The following TRPA1 variants were observed in gnomAD, a reference collection of about 807,000 sequenced individuals.
TRPA1 encodes the protein ankyrin-like with transmembrane domains 1.
In TRPA1, 129 loss-of-function variants were observed where a neutral mutation model predicts 131.3. The observed-to-expected ratio is 0.98, with a 90% confidence interval of 0.85 to 1.14. TRPA1 has a LOEUF of 1.14. TRPA1 is among the 50% of genes most tolerant of loss of function. The pLI is 0.00. For missense variants in TRPA1, 1,304 were observed against 1,354.2 expected (o/e 0.96, Z 0.58); for synonymous variants, 441 against 451.7 (o/e 0.98, Z 0.30).
In TRPA1 at chr8:72,071,740, T is replaced by C; in HGVS notation, c.239A>G (p.Glu80Gly). ...AAAEGQIELM[E>G]KITRDSSLEV... ...CAAAGAGGAATCTCTGGTGATCTTC[T>C]CCATTAGCTCAATTTGGCCTTCTGC... Residue 80 changes from glutamate (E) to glycine (G), a missense_variant, in exon 2 of 27, where the codon GAG (glutamate) becomes GGG (glycine). Coordinates refer to ENST00000262209, the MANE Select transcript of TRPA1 (RefSeq NM_007332.3). 6.2e-7 allele frequency: 1 copy of C among 1,613,822 alleles called. No individual in the cohort carries two copies. The highest frequency in any genetic ancestry group is 8.5e-7 in the Non-Finnish European group (1 of 1,179,836).
At chr8:72,067,959 T>C (rs1250154453) in intron 3 of TRPA1, among the ~76,000 whole-genome samples, 1 of 152,204 alleles carries the variant, frequency 6.6e-6, no homozygotes, top group African/African-American at 2.4e-5. Context: ...TAAGAGATAC[T>C]TGAATTAGTA....
Position 72,061,612 on chromosome 8 carries a change from G to A in TRPA1, c.944+13C>T, listed in dbSNP as rs574885333. 2.7e-5 allele frequency: 43 copies of A among 1,613,656 alleles called. No homozygotes were observed. The highest frequency in any genetic ancestry group is 1.9e-4 in the South Asian group (17 of 91,084). On this transcript the variant is annotated intron_variant, in intron 7 of 26. Transcript: ENST00000262209. The stretch of plus-strand genomic sequence containing the variant: ...GAAAAATCTGTATACAGAATGATAG[G>A]TAGGAAACTTGCCTGTGAAGCATGG...
chr8:72,072,101 T>C (rs905390342), intron 1 of TRPA1, among the ~76,000 whole-genome samples: 1 of 152,224 alleles, frequency 6.6e-6, no homozygotes, highest in African/African-American at 2.4e-5. Flanking sequence ...CTCATTCATA[T>C]ATGCTTAGAA....
In TRPA1 at chr8:72,071,710, C is replaced by T; in HGVS notation, c.268+1G>A. The T allele has an allele frequency of 6.2e-7, 1 of 1,613,552 alleles. No homozygotes were observed. Among genetic ancestry groups the T allele is most frequent in the Non-Finnish European group, 8.5e-7 (1 of 1,179,706 alleles). ...GAAGATGAATTGTAATATTTTGTTACCTTCCAAAGAGGAATCTCTGGTGAT... is the reference window on the plus strand; with the variant it reads ...GAAGATGAATTGTAATATTTTGTTATCTTCCAAAGAGGAATCTCTGGTGAT... On this transcript the variant is annotated splice_donor_variant, in intron 2 of 26. Transcript: ENST00000262209. LOFTEE classifies it high-confidence loss of function.
upstream of TRPA1, among the ~76,000 whole-genome samples, chr8:72,079,280 G>A (rs375011975): frequency 2.0e-5 from 3 of 151,700 alleles, no homozygotes; most frequent in African/African-American, 7.3e-5. Context: ...TGTGTTTTGG[G>A]TGCCATAGAA....
chr8:72,078,628 TA>T, upstream of TRPA1, among the ~76,000 whole-genome samples: 2 of 152,250 alleles, frequency 1.3e-5, no homozygotes, highest in South Asian at 4.1e-4. Flanking sequence ...ATTGTATGGG[TA>T]TACCATGTTT....
intron 1 of TRPA1, among the ~76,000 whole-genome samples, chr8:72,072,854 A>AG (rs1369047549): frequency 6.6e-6 from 1 of 152,220 alleles, no homozygotes; most frequent in Admixed American, 6.5e-5. Context: ...TACTAGGTTC[A>AG]GATGCTCACA....
At chr8:72,075,806 T>C (rs1295900380), upstream of TRPA1, among the ~76,000 whole-genome samples, 2 of 151,808 alleles carry the variant, frequency 1.3e-5, no homozygotes, top group Non-Finnish European at 2.9e-5. Context: ...TTGCAGAGAA[T>C]TTGTTATAAT....
At chr8:72,046,949 A>G (rs1443037181) in intron 16 of TRPA1, among the ~76,000 whole-genome samples, 199 bp downstream of exon 16, 1 of 152,070 alleles carries the variant, frequency 6.6e-6, no homozygotes, top group African/African-American at 2.4e-5. Flanking sequence ...AAATGATGCT[A>G]TTAGAAACTA....
intron 15 of TRPA1, 47 bp downstream of exon 15, chr8:72,050,730 CA>C: frequency 8.2e-7 from 1 of 1,222,028 alleles, no homozygotes; most frequent in Non-Finnish European, 1.2e-6. Context: ...ATTACAACAA[CA>C]TATGTCAAGC....
At position 72,024,838 on chromosome 8, in the gene TRPA1, T is replaced by C. The variant is rs138925606; in HGVS notation, c.3052-927A>G. The stretch of plus-strand genomic sequence containing the variant: ...TAACCATGGACATGTGTGAAATCAG[T>C]TGGAGAGATACTGTGGCGTTAGAAT... On this transcript the variant is annotated intron_variant, in intron 25 of 26. Transcript: ENST00000262209. 2.6e-3 allele frequency among the ~76,000 whole-genome samples: 390 copies of C among 152,094 alleles called. 8 individuals are homozygous for C. The East Asian group carries it at 0.06, about 23-fold the overall frequency.
chr8:72,085,764 C>G, the TRPA1 span, among the ~76,000 whole-genome samples: 3 of 151,942 alleles, frequency 2.0e-5, no homozygotes, highest in Non-Finnish European at 4.4e-5. Flanking sequence ...ATCATGGATA[C>G]GTTTGCATTT....
At chr8:72,031,723 C>A (rs1811832144) in intron 23 of TRPA1, among the ~76,000 whole-genome samples, 1 of 152,030 alleles carries the variant, frequency 6.6e-6, no homozygotes, top group Non-Finnish European at 1.5e-5. Context: ...AGCTTATAAG[C>A]CATAGAAGAG....
At chr8:72,072,927 G>A (rs530334232) in intron 1 of TRPA1, among the ~76,000 whole-genome samples, 9 of 152,146 alleles carry the variant, frequency 5.9e-5, no homozygotes, top group East Asian at 1.9e-4. Flanking sequence ...CATATCAGAC[G>A]TACTAGATCA....
chr8:72,074,903 A>G (rs1368085762), intron 1 of TRPA1, among the ~76,000 whole-genome samples: 1 of 152,244 alleles, frequency 6.6e-6, no homozygotes, highest in African/African-American at 2.4e-5. Flanking sequence ...TTAAATAGTT[A>G]TCCAACGACT....
intron 15 of TRPA1, 77 bp downstream of exon 15, chr8:72,050,701 T>C (rs1323438085): frequency 2.0e-6 from 2 of 979,820 alleles, no homozygotes; most frequent in Non-Finnish European, 1.6e-6. Context: ...AAGCTGGAAA[T>C]TATTATTATT....
intron 10 of TRPA1, chr8:72,056,201 C>T (rs2129435642): frequency 3.0e-6 from 1 of 333,042 alleles, no homozygotes; most frequent in Admixed American, 4.4e-5. Flanking sequence ...CTCCCACCCC[C>T]AAATAACACC....
In TRPA1 at chr8:72,029,892, T is replaced by C. The variant is rs370314944; in HGVS notation, c.2937+9A>G. On this transcript the variant is annotated intron_variant, in intron 24 of 26. Transcript: ENST00000262209. ...AACACTGTAATAAGTGGGGAGGCACTGCACTTACCTGCATAGCTATCCTCT... is the reference window on the plus strand; with the variant it reads ...AACACTGTAATAAGTGGGGAGGCACCGCACTTACCTGCATAGCTATCCTCT... 6.2e-7 allele frequency: 1 copy of C among 1,613,412 alleles called. No individual in the cohort carries two copies. Among genetic ancestry groups the C allele is most frequent in the African/African-American group, 1.3e-5 (1 of 74,922 alleles).
the TRPA1 span, among the ~76,000 whole-genome samples, chr8:72,085,433 G>C: frequency 6.6e-6 from 1 of 151,782 alleles, no homozygotes; most frequent in African/African-American, 2.4e-5. Flanking sequence ...TATAAACTAT[G>C]TTTTTAATAC....
Sources: gnomAD v4.1 joint callset for allele counts (sites outside exome capture counted in the v4.1 genomes callset) on GRCh38, gnomAD v4.1.1 for gene constraint, MANE v1.5 for transcripts, NCBI Gene and HGNC (gene_info 2026-07-23, HGNC 2026-07-21) for gene names.